Variants in KLHL1 observed in about 807,000 individuals in gnomAD.
The protein encoded by KLHL1 is kelch like family member 1, also known as kelch-like protein 1.
KLHL1 carries 47 observed loss-of-function variants against 77.7 expected under a neutral mutation model. That is an observed-to-expected ratio of 0.60 (90% CI 0.48 to 0.77). The LOEUF (loss-of-function observed/expected upper bound fraction) is 0.77. KLHL1 is among the 30% of genes least tolerant of loss of function. The pLI is 0.00. For synonymous variants in KLHL1, 360 were observed against 325.2 expected, an observed-to-expected ratio of 1.11 and a Z score of -1.15; for missense variants, 925 against 910.8, an observed-to-expected ratio of 1.02 and a Z score of -0.20.
chr13:69,828,540 C>A (rs1283049474), intron 6 of KLHL1, among the ~76,000 whole-genome samples: 3 of 149,976 alleles, frequency 2.0e-5, no homozygotes, highest in African/African-American at 7.5e-5. Flanking sequence ...TGGGTACAAT[C>A]CAGGGCGGAG....
chr13:70,076,444 A>C (rs532784902), intron 1 of KLHL1, among the ~76,000 whole-genome samples: 7 of 151,768 alleles, frequency 4.6e-5, no homozygotes, highest in Non-Finnish European at 8.8e-5. Flanking sequence ...AGAAAAAAAA[A>C]ATCAAGACAC....
chr13:70,074,202 G>C (rs1887207539), intron 1 of KLHL1, among the ~76,000 whole-genome samples: 1 of 152,070 alleles, frequency 6.6e-6, no homozygotes, highest in African/African-American at 2.4e-5. Flanking sequence ...TTTGGCCATA[G>C]TGGGCCCATT....
At chr13:69,721,535 A>C (rs926816824) in intron 8 of KLHL1, among the ~76,000 whole-genome samples, 14 of 152,034 alleles carry the variant, frequency 9.2e-5, no homozygotes, top group African/African-American at 3.4e-4. Flanking sequence ...CCAATATAAT[A>C]TATTTATAAG....
intron 1 of KLHL1, among the ~76,000 whole-genome samples, chr13:69,981,312 G>A (rs1028303550): frequency 6.6e-6 from 1 of 152,006 alleles, no homozygotes; most frequent in Non-Finnish European, 1.5e-5. Context: ...ATTTCTGGAT[G>A]ACTAGATTCA....
chr13:69,800,508 A>G (rs1877330707), intron 6 of KLHL1, among the ~76,000 whole-genome samples: 1 of 152,230 alleles, frequency 6.6e-6, no homozygotes, highest in Non-Finnish European at 1.5e-5. Context: ...TACTCATACT[A>G]GCCAATACAA....
Position 70,077,086 on chromosome 13 carries a change from A to G in KLHL1, c.497+30117T>C, listed in dbSNP as rs146578530. On this transcript the variant is annotated intron_variant, in intron 1 of 10. Coordinates refer to ENST00000377844, the MANE Select transcript of KLHL1 (RefSeq NM_020866.3). ...TTGGAAGTTCCTTAAAAAGCTTGACATAATTCTACCAAATGAAACTGCAAT... is the reference window on the plus strand; with the variant it reads ...TTGGAAGTTCCTTAAAAAGCTTGACGTAATTCTACCAAATGAAACTGCAAT... 2.3e-3 allele frequency among the ~76,000 whole-genome samples: 352 copies of G among 152,128 alleles called. 4 individuals carry two copies. The highest frequency in any genetic ancestry group is 6.8e-3 in the Middle Eastern group (2 of 294).
intron 1 of KLHL1, among the ~76,000 whole-genome samples, chr13:70,048,911 G>T (rs1886565091): frequency 6.6e-6 from 1 of 152,172 alleles, no homozygotes; most frequent in South Asian, 2.1e-4. Context: ...TAGGCAAAAT[G>T]AAGTCAGGTA....
At chr13:69,940,551 T>C (rs748642405) in intron 3 of KLHL1, among the ~76,000 whole-genome samples, 2 of 152,056 alleles carry the variant, frequency 1.3e-5, no homozygotes, top group Non-Finnish European at 2.9e-5. Context: ...TCAGAATATA[T>C]GCCTACAAAC....
intron 1 of KLHL1, among the ~76,000 whole-genome samples, chr13:70,048,763 G>A (rs1269050237): frequency 6.6e-6 from 1 of 152,206 alleles, no homozygotes; most frequent in African/African-American, 2.4e-5. Flanking sequence ...TGTAAATACA[G>A]ATGAAGCTTT....
chr13:70,047,889 C>T (rs942929205), intron 1 of KLHL1, among the ~76,000 whole-genome samples: 2 of 152,130 alleles, frequency 1.3e-5, no homozygotes, highest in Non-Finnish European at 2.9e-5. Context: ...AGTCTTGGTG[C>T]TTTTAGGTGC....
chr13:70,079,088 A>T (rs1268407217), intron 1 of KLHL1, among the ~76,000 whole-genome samples: 1 of 152,204 alleles, frequency 6.6e-6, no homozygotes, highest in Non-Finnish European at 1.5e-5. Context: ...AATGCAAACT[A>T]GACAATCATC....
At chr13:69,976,896 C>T (rs974298501) in intron 1 of KLHL1, among the ~76,000 whole-genome samples, 1 of 152,044 alleles carries the variant, frequency 6.6e-6, no homozygotes, top group Non-Finnish European at 1.5e-5. Context: ...TTATTCACTG[C>T]GTATTCTTTC....
intron 9 of KLHL1, among the ~76,000 whole-genome samples, chr13:69,709,789 A>T (rs546646616): frequency 6.6e-6 from 1 of 152,040 alleles, no homozygotes; most frequent in Non-Finnish European, 1.5e-5. Context: ...TGAAACAATA[A>T]GAACAAATTT....
chr13:69,966,349 C>T (rs1884210117), intron 2 of KLHL1, among the ~76,000 whole-genome samples: 1 of 152,058 alleles, frequency 6.6e-6, no homozygotes, highest in Admixed American at 6.6e-5. Flanking sequence ...TCTACTCAGC[C>T]AGTGCTTTAG....
chr13:70,057,752 C>T (rs535549914), intron 1 of KLHL1, among the ~76,000 whole-genome samples: 93 of 116,474 alleles, frequency 8.0e-4, no homozygotes, highest in African/African-American at 2.8e-3. Flanking sequence ...GTCCGCAGTC[C>T]GGCCTGGGCG....
chr13:69,840,682 CTT>C (rs1879212845), intron 5 of KLHL1, among the ~76,000 whole-genome samples: 2 of 137,702 alleles, frequency 1.5e-5, no homozygotes, highest in Non-Finnish European at 3.1e-5. Flanking sequence ...TGAACATTAA[CTT>C]TATATATATA....
intron 7 of KLHL1, among the ~76,000 whole-genome samples, chr13:69,752,698 T>C (rs1200119776): frequency 6.6e-6 from 1 of 152,138 alleles, no homozygotes; most frequent in Non-Finnish European, 1.5e-5. Context: ...GCCACTGACC[T>C]GGGGGTTTAA....
chr13:69,821,355 C>A (rs1322512265), intron 6 of KLHL1, among the ~76,000 whole-genome samples: 2 of 151,930 alleles, frequency 1.3e-5, no homozygotes, highest in African/African-American at 2.4e-5. Flanking sequence ...CACTCTGTCG[C>A]CCAGGCTGGA....
chr13:69,797,828 A>T (rs1355461842), intron 6 of KLHL1, among the ~76,000 whole-genome samples: 3 of 73,352 alleles, frequency 4.1e-5, no homozygotes, highest in African/African-American at 1.7e-4. Context: ...GACTCCATCT[A>T]AAAAAAAAAA....
Sources: gnomAD v4.1 joint callset for allele counts (sites outside exome capture counted in the v4.1 genomes callset) on GRCh38, gnomAD v4.1.1 for gene constraint, MANE v1.5 for transcripts, NCBI Gene and HGNC (gene_info 2026-07-23, HGNC 2026-07-21) for gene names.